Variants in F13A1 observed in about 807,000 individuals in gnomAD.
F13A1 encodes FSF, A subunit.
Under a neutral mutation model 80.1 loss-of-function variants are expected in F13A1, and 47 were observed. The ratio of observed to expected loss-of-function variants is 0.59; its 90% confidence interval spans 0.46 to 0.75. The LOEUF (loss-of-function observed/expected upper bound fraction) is 0.75, where lower values mean the gene tolerates loss of function less well. F13A1 is among the 30% of genes least tolerant of loss of function. The pLI is 0.00. For missense variants in F13A1, 817 were observed against 930.4 expected, an observed-to-expected ratio of 0.88 and a Z score of 1.59; for synonymous variants, 349 against 344.9, an observed-to-expected ratio of 1.01 and a Z score of -0.13.
intron 2 of F13A1, among the ~76,000 whole-genome samples, chr6:6,312,695 A>T (rs1171039160): frequency 1.3e-5 from 2 of 150,530 alleles, no homozygotes; most frequent in Non-Finnish European, 1.5e-5. Flanking sequence ...AAACAAAAAA[A>T]GTCTGTCTTA....
At chr6:6,289,695 C>T (rs111678380) in intron 3 of F13A1, among the ~76,000 whole-genome samples, 4 of 152,126 alleles carry the variant, frequency 2.6e-5, no homozygotes, top group Non-Finnish European at 5.9e-5. Flanking sequence ...TCTTAATACT[C>T]TACCTAAAAT....
intron 2 of F13A1, among the ~76,000 whole-genome samples, chr6:6,316,835 A>G (rs922460537): frequency 6.6e-6 from 1 of 152,134 alleles, no homozygotes; most frequent in Non-Finnish European, 1.5e-5. Context: ...GCTGATGGAG[A>G]AACTGAGGCT....
At chr6:6,273,278 T>C (rs573708854) in intron 3 of F13A1, among the ~76,000 whole-genome samples, 1 of 152,344 alleles carries the variant, frequency 6.6e-6, no homozygotes, top group African/African-American at 2.4e-5. Flanking sequence ...TCACAGTGTT[T>C]TGTACCCAGT....
At chr6:6,206,542 A>C (rs765217034) in intron 8 of F13A1, 6 of 492,780 alleles carry the variant, frequency 1.2e-5, no homozygotes, top group African/African-American at 3.9e-5. Context: ...GTGAGACTTG[A>C]GTGGAATGAG....
chr6:6,265,615 G>A (rs1344328100), intron 4 of F13A1, among the ~76,000 whole-genome samples: 1 of 152,158 alleles, frequency 6.6e-6, no homozygotes, highest in Non-Finnish European at 1.5e-5. Flanking sequence ...AGACAGAAAG[G>A]AAGACTGAAA....
At chr6:6,181,105 C>G (rs1760975218) in intron 11 of F13A1, among the ~76,000 whole-genome samples, 1 of 152,168 alleles carries the variant, frequency 6.6e-6, no homozygotes, top group Admixed American at 6.5e-5. Context: ...CCTGCAGGAT[C>G]CCCCTAAACA....
At chr6:6,300,356 C>T (rs541784299) in intron 3 of F13A1, among the ~76,000 whole-genome samples, 33 of 151,232 alleles carry the variant, frequency 2.2e-4, no homozygotes, top group African/African-American at 7.6e-4. Flanking sequence ...TGCCGCCTTG[C>T]AGTTTGATCT....
At chr6:6,247,659 G>T (rs573553987) in intron 6 of F13A1, among the ~76,000 whole-genome samples, 3 of 152,162 alleles carry the variant, frequency 2.0e-5, no homozygotes, top group African/African-American at 7.2e-5. Flanking sequence ...TGCAGAGAGC[G>T]GCATGAAAAG....
chr6:6,177,001 G>T (rs1390935507), intron 11 of F13A1, among the ~76,000 whole-genome samples: 1 of 152,172 alleles, frequency 6.6e-6, no homozygotes, highest in Non-Finnish European at 1.5e-5. Flanking sequence ...GGAAGCGCAG[G>T]CCCAGAGAGG....
chr6:6,158,000 C>A (rs947667331), intron 13 of F13A1, among the ~76,000 whole-genome samples: 2 of 152,132 alleles, frequency 1.3e-5, no homozygotes, highest in Non-Finnish European at 2.9e-5. Context: ...AGTTTACGAT[C>A]ATCTATCCTG....
At chr6:6,314,133 C>T (rs1179185103) in intron 2 of F13A1, among the ~76,000 whole-genome samples, 1 of 151,934 alleles carries the variant, frequency 6.6e-6, no homozygotes, top group Non-Finnish European at 1.5e-5. Context: ...AGGCGCCAAC[C>T]ACCACCCCAG....
chr6:6,290,619 T>C (rs563747515), intron 3 of F13A1, among the ~76,000 whole-genome samples: 1 of 152,198 alleles, frequency 6.6e-6, no homozygotes, highest in Non-Finnish European at 1.5e-5. Context: ...TATTTGATGA[T>C]GGAACTTTTT....
At chr6:6,154,662 G>T (rs531829227) in intron 13 of F13A1, among the ~76,000 whole-genome samples, 6 of 152,278 alleles carry the variant, frequency 3.9e-5, no homozygotes, top group African/African-American at 1.4e-4. Flanking sequence ...CTTCCCAGAG[G>T]CCCTGCCTCA....
chr6:6,275,303 T>C (rs1757972865), intron 3 of F13A1, among the ~76,000 whole-genome samples: 2 of 152,126 alleles, frequency 1.3e-5, no homozygotes, highest in African/African-American at 4.8e-5. Context: ...CCCCAGGTTT[T>C]GTTCATTCTT....
At chr6:6,262,352 A>G (rs34421073) in intron 4 of F13A1, among the ~76,000 whole-genome samples, 19,618 of 152,260 alleles carry the variant, frequency 0.13, 1,804 homozygotes, top group African/African-American at 0.26. Flanking sequence ...GCATTCACAG[A>G]TGTTGTGTGT....
At chr6:6,164,758 CAT>C in intron 13 of F13A1, among the ~76,000 whole-genome samples, 1 of 150,400 alleles carries the variant, frequency 6.6e-6, no homozygotes, top group African/African-American at 2.4e-5. Context: ...TTCTCCTCTC[CAT>C]CTTCCCCTCC....
intron 8 of F13A1, among the ~76,000 whole-genome samples, chr6:6,203,245 C>A (rs1000640076): frequency 1.2e-4 from 18 of 152,208 alleles, no homozygotes; most frequent in Non-Finnish European, 8.8e-5. Flanking sequence ...CTACCTTTTG[C>A]ATAATTTTGT....
At chr6:6,289,631 A>T (rs1275642594) in intron 3 of F13A1, among the ~76,000 whole-genome samples, 1 of 152,114 alleles carries the variant, frequency 6.6e-6, no homozygotes, top group South Asian at 2.1e-4. Context: ...TCGGTCCTCC[A>T]ATTTATCTTC....
rs977337637 is a variant in F13A1 at position 6,250,421 on chromosome 6, A to AC, written c.690+389_690+390insG. On this transcript the variant is annotated intron_variant, in intron 5 of 14. Transcript: ENST00000264870. This position sits in a 1 kb window ranked among gnomAD's most constrained non-coding sequence, Gnocchi z 4.2. ...CCCTAGGCTAACACTTAAAAAAAAA[A>AC]AAAAAGAAGCTATTTCTTTGAATTG... Among the ~76,000 whole-genome samples the AC allele has an allele frequency of 4.6e-5, 7 of 152,066 alleles. No individual in the cohort carries two copies. Among genetic ancestry groups the AC allele is most frequent in the African/African-American group, 1.2e-4 (5 of 41,464 alleles).
Sources: gnomAD v4.1 joint callset for allele counts (sites outside exome capture counted in the v4.1 genomes callset) on GRCh38, gnomAD v4.1.1 for gene constraint, Gnocchi (gnomAD v3.1) non-coding constraint, MANE v1.5 for transcripts, NCBI Gene and HGNC (gene_info 2026-07-23, HGNC 2026-07-21) for gene names.